The following CNTN6 variants were observed in gnomAD, a reference collection of about 807,000 sequenced individuals.
CNTN6 encodes contactin-6.
CNTN6 carries 137 observed loss-of-function variants against 122.8 expected under a neutral mutation model. The ratio of observed to expected loss-of-function variants is 1.12; its 90% confidence interval spans 0.97 to 1.29. The LOEUF (loss-of-function observed/expected upper bound fraction) is 1.29, where lower values mean the gene tolerates loss of function less well. Among genes scored for constraint, CNTN6 ranks in the 50% most tolerant of loss-of-function variants. The probability of loss-of-function intolerance (pLI) is 0.00; values close to 1 mark genes in which losing one functional copy is unlikely to be tolerated. For missense variants in CNTN6, 1,634 were observed against 1,223.4 expected (o/e 1.34, Z -5.01); for synonymous variants, 570 against 426.0 (o/e 1.34, Z -4.16).
At chr3:1,233,423 A>T (rs1370520016) in intron 4 of CNTN6, among the ~76,000 whole-genome samples, 1 of 128,718 alleles carries the variant, frequency 7.8e-6, no homozygotes, top group African/African-American at 2.8e-5. Context: ...AATGTTAAGG[A>T]TGTTGAAGTT....
intron 2 of CNTN6, among the ~76,000 whole-genome samples, chr3:1,160,809 G>T (rs924282804): frequency 9.9e-5 from 15 of 152,044 alleles, no homozygotes; most frequent in African/African-American, 2.9e-4. Context: ...TGCTGGAGCT[G>T]ACTCGTAGCA....
chr3:1,197,851 A>G (rs1411202066), intron 2 of CNTN6, among the ~76,000 whole-genome samples: 1 of 152,226 alleles, frequency 6.6e-6, no homozygotes, highest in African/African-American at 2.4e-5. Flanking sequence ...CTGCTCTATT[A>G]CGTGTGCTAA....
chr3:1,294,899 A>G (rs1367909979), intron 5 of CNTN6, among the ~76,000 whole-genome samples: 1 of 152,148 alleles, frequency 6.6e-6, no homozygotes, highest in Non-Finnish European at 1.5e-5. Context: ...TTTATAGGGC[A>G]CAGGTTTTGT....
chr3:1,269,056 AG>A, intron 4 of CNTN6, among the ~76,000 whole-genome samples: 1 of 152,300 alleles, frequency 6.6e-6, no homozygotes, highest in South Asian at 2.1e-4. Context: ...TCGTATCATC[AG>A]TAATGTGATT....
chr3:1,294,104 C>G (rs1695796490), intron 5 of CNTN6, among the ~76,000 whole-genome samples: 1 of 152,080 alleles, frequency 6.6e-6, no homozygotes, highest in Non-Finnish European at 1.5e-5. Flanking sequence ...TCCTAGGAAT[C>G]TAACCAAGAA....
intron 4 of CNTN6, among the ~76,000 whole-genome samples, chr3:1,233,270 G>A (rs897231958): frequency 1.1e-4 from 16 of 152,142 alleles, no homozygotes; most frequent in African/African-American, 3.4e-4. Context: ...AATATATTAT[G>A]TGGAAAGCAG....
At chr3:1,313,859 C>T (rs1699740120) in intron 7 of CNTN6, among the ~76,000 whole-genome samples, 1 of 152,010 alleles carries the variant, frequency 6.6e-6, no homozygotes, top group Admixed American at 6.6e-5. Flanking sequence ...CTGGTGAGGG[C>T]TGATCTCTGG....
intron 11 of CNTN6, among the ~76,000 whole-genome samples, chr3:1,344,569 G>A (rs184226077): frequency 1.4e-4 from 22 of 152,248 alleles, no homozygotes; most frequent in African/African-American, 4.6e-4. Flanking sequence ...AGATTGGAGA[G>A]TGAAACCTCT....
At chr3:1,195,678 A>G (rs1209866511) in intron 2 of CNTN6, among the ~76,000 whole-genome samples, 2 of 152,096 alleles carry the variant, frequency 1.3e-5, no homozygotes, top group Non-Finnish European at 2.9e-5. Context: ...TTCTTAGTTT[A>G]CCTTTTGAAT....
intron 2 of CNTN6, among the ~76,000 whole-genome samples, chr3:1,191,875 T>G (rs2093707390): frequency 6.6e-6 from 1 of 152,198 alleles, no homozygotes; most frequent in South Asian, 2.1e-4. Flanking sequence ...CCCATACATG[T>G]AATGTCAAAA....
chr3:1,349,243 C>T (rs1174633299), intron 11 of CNTN6, among the ~76,000 whole-genome samples: 1 of 151,694 alleles, frequency 6.6e-6, no homozygotes, highest in Non-Finnish European at 1.5e-5. Flanking sequence ...TAATAATATA[C>T]ATATAATATG....
chr3:1,387,875 A>G (rs1374913923), intron 20 of CNTN6, among the ~76,000 whole-genome samples: 2 of 152,132 alleles, frequency 1.3e-5, no homozygotes, highest in African/African-American at 4.8e-5. Flanking sequence ...ACGGCGCACC[A>G]CGAGATTATA....
At chr3:1,376,908 T>C in intron 16 of CNTN6, 97 bp from the exon 17 acceptor site, 3 of 771,360 alleles carry the variant, frequency 3.9e-6, no homozygotes, top group Non-Finnish European at 6.7e-6. Flanking sequence ...AGTATGCCTG[T>C]GTGAGATTTT....
intron 2 of CNTN6, among the ~76,000 whole-genome samples, chr3:1,172,507 C>T (rs1322343948): frequency 1.3e-5 from 2 of 152,164 alleles, no homozygotes; most frequent in African/African-American, 4.8e-5. Context: ...GCATTTCTGA[C>T]ATTATCTTTT....
At chr3:1,387,399 T>A (rs1693193158) in intron 20 of CNTN6, among the ~76,000 whole-genome samples, 1 of 152,232 alleles carries the variant, frequency 6.6e-6, no homozygotes, top group South Asian at 2.1e-4. Flanking sequence ...ATAACTTGGA[T>A]GTATGATTTG....
At chr3:1,235,782 C>T (rs1277628936) in intron 4 of CNTN6, among the ~76,000 whole-genome samples, 3 of 152,064 alleles carry the variant, frequency 2.0e-5, no homozygotes, top group Admixed American at 6.5e-5. Flanking sequence ...GGCTTGCTTT[C>T]TCAATAGGGA....
In CNTN6 at chr3:1,227,748, A is replaced by G. The variant is rs1048641785; in HGVS notation, c.183-70A>G. 2.7e-6 allele frequency: 4 copies of G among 1,479,626 alleles called. No individual in the cohort carries two copies. The African/African-American group carries it at 5.7e-5, about 21-fold the overall frequency. The allele number at this position is 1,479,626 out of a possible 1,614,324, so 91.7% of individuals were successfully genotyped here. A position where few individuals can be genotyped will look rare whatever the true frequency, so the allele number is the denominator to read the frequency against. ...TTTTATAGTTGCAGGAATTAGAACT[A>G]CATGTTTTTTAAGACAAAGATTGAT... On this transcript the variant is annotated intron_variant, in intron 3 of 22. Transcript: ENST00000446702.
At chr3:1,385,414 A>G (rs924000678) in intron 19 of CNTN6, among the ~76,000 whole-genome samples, 197 bp from the exon 20 acceptor site, 1 of 152,168 alleles carries the variant, frequency 6.6e-6, no homozygotes, top group Non-Finnish European at 1.5e-5. Context: ...ATTTGCATTC[A>G]TGACTTTTTT....
intron 4 of CNTN6, among the ~76,000 whole-genome samples, chr3:1,269,186 GA>G (rs2094980554): frequency 6.6e-6 from 1 of 151,956 alleles, no homozygotes; most frequent in African/African-American, 2.4e-5. Context: ...TAAAAGTGAA[GA>G]AAACTGAGGT....
Sources: allele counts gnomAD v4.1 joint callset (sites outside exome capture counted in the v4.1 genomes callset), GRCh38; gene constraint gnomAD v4.1.1; transcripts MANE v1.5; gene names NCBI Gene and HGNC (gene_info 2026-07-23, HGNC 2026-07-21).